Variants in RPS6KC1 observed in about 807,000 individuals in gnomAD.
RPS6KC1 encodes inactive ribosomal protein S6 kinase delta-1.
RPS6KC1 carries 54 observed loss-of-function variants against 103.8 expected under a neutral mutation model. The ratio of observed to expected loss-of-function variants is 0.52; its 90% CI spans 0.42 to 0.65. RPS6KC1 has a LOEUF of 0.65. Ranked by LOEUF, RPS6KC1 falls within the 30% of genes least tolerant of loss-of-function variation. RPS6KC1 has a pLI of 0.00. For missense variants in RPS6KC1, 1,151 were observed against 1,253.8 expected, an observed-to-expected ratio of 0.92 and a Z score of 1.24; for synonymous variants, 439 against 438.7, an observed-to-expected ratio of 1.00 and a Z score of -0.01.
chr1:213,629,261 G>T, the RPS6KC1 span, among the ~76,000 whole-genome samples: 1 of 151,992 alleles, frequency 6.6e-6, no homozygotes, highest in African/African-American at 2.4e-5. Flanking sequence ...ATGAATCTGG[G>T]TGCTCCTGTA....
chr1:213,462,751 C>T, the RPS6KC1 span, among the ~76,000 whole-genome samples: 28 of 152,160 alleles, frequency 1.8e-4, no homozygotes, highest in African/African-American at 1.7e-4. Flanking sequence ...GGCCTGTTGG[C>T]GGGTGGTTGA....
At chr1:213,665,856 G>A in the RPS6KC1 span, among the ~76,000 whole-genome samples, 1 of 152,040 alleles carries the variant, frequency 6.6e-6, no homozygotes, top group African/African-American at 2.4e-5. Flanking sequence ...TAAATACAAA[G>A]AATAAGAAAG....
At chr1:213,636,512 G>C in the RPS6KC1 span, among the ~76,000 whole-genome samples, 5 of 152,106 alleles carry the variant, frequency 3.3e-5, no homozygotes, top group Non-Finnish European at 5.9e-5. Flanking sequence ...CAAGAAATGG[G>C]GAAAGGATTC....
the RPS6KC1 span, among the ~76,000 whole-genome samples, chr1:213,422,939 C>G: frequency 6.6e-6 from 1 of 152,238 alleles, no homozygotes; most frequent in African/African-American, 2.4e-5. Context: ...AGAAATTGGT[C>G]TGAAATGTTA....
chr1:213,219,946 A>C lies in RPS6KC1; in HGVS notation c.1045-10551A>C, dbSNP rs183541716. On this transcript the variant is annotated intron_variant, in intron 8 of 14. Transcript: ENST00000366960. ...TGGATGCAGCACCCCAACATGGCAC[A>C]TGTATACATATGTAACAAACCTGCA... Among the ~76,000 whole-genome samples the C allele has an allele frequency of 5.7e-3, 864 of 152,278 alleles. 11 individuals are homozygous for C. Among genetic ancestry groups the C allele is most frequent in the African/African-American group, 0.017 (721 of 41,564 alleles).
At chr1:213,830,915 G>T in the RPS6KC1 span, among the ~76,000 whole-genome samples, 20 of 152,230 alleles carry the variant, frequency 1.3e-4, no homozygotes, top group Non-Finnish European at 2.8e-4. Context: ...GTTGACAGTG[G>T]GTTCTGCCAA....
chr1:213,824,383 T>C, the RPS6KC1 span, among the ~76,000 whole-genome samples: 1 of 152,216 alleles, frequency 6.6e-6, no homozygotes, highest in Admixed American at 6.5e-5. Context: ...CTTAGCTCCA[T>C]CTGGTAAACA....
chr1:213,209,695 CAAAAAAAAAAAAAA>C (rs60840755), intron 8 of RPS6KC1, among the ~76,000 whole-genome samples: 2 of 54,152 alleles, frequency 3.7e-5, no homozygotes, highest in African/African-American at 6.9e-5. Flanking sequence ...AACTCCGTCT[CAAAAAAAAAAAAAA>C]AAAAAAAAAA....
At chr1:213,466,980 C>T in the RPS6KC1 span, among the ~76,000 whole-genome samples, 3 of 151,662 alleles carry the variant, frequency 2.0e-5, no homozygotes, top group Non-Finnish European at 2.9e-5. Flanking sequence ...GCCTATGAGC[C>T]TTAAGGAAAT....
chr1:213,742,606 T>C, the RPS6KC1 span, among the ~76,000 whole-genome samples: 1 of 152,268 alleles, frequency 6.6e-6, no homozygotes, highest in Non-Finnish European at 1.5e-5. Flanking sequence ...TAGCATGCTT[T>C]CGATGGCTTG....
At chr1:213,852,349 A>G in the RPS6KC1 span, among the ~76,000 whole-genome samples, 16 of 151,644 alleles carry the variant, frequency 1.1e-4, no homozygotes, top group Admixed American at 8.5e-4. Flanking sequence ...TGTCATCCAC[A>G]TTGCTATTCT....
the RPS6KC1 span, among the ~76,000 whole-genome samples, chr1:213,494,061 T>C: frequency 2.0e-5 from 3 of 152,070 alleles, no homozygotes; most frequent in Admixed American, 1.3e-4. Flanking sequence ...ACCCTAAATG[T>C]GATAACTCTG....
At chr1:213,766,483 T>C in the RPS6KC1 span, among the ~76,000 whole-genome samples, 3 of 152,320 alleles carry the variant, frequency 2.0e-5, no homozygotes, top group South Asian at 2.1e-4. Flanking sequence ...ATTTTTCCAG[T>C]GTACACTCTT....
At chr1:213,510,936 A>G in the RPS6KC1 span, among the ~76,000 whole-genome samples, 3 of 152,160 alleles carry the variant, frequency 2.0e-5, no homozygotes, top group Non-Finnish European at 4.4e-5. Context: ...TTGACTGAGT[A>G]CTTAACTGTG....
the RPS6KC1 span, among the ~76,000 whole-genome samples, chr1:213,476,561 A>T: frequency 5.3e-5 from 8 of 152,202 alleles, no homozygotes; most frequent in Non-Finnish European, 7.3e-5. Flanking sequence ...GTGAAGACCT[A>T]GCCTGTTCAG....
the RPS6KC1 span, among the ~76,000 whole-genome samples, chr1:213,826,464 A>C: frequency 6.6e-6 from 1 of 152,226 alleles, no homozygotes; most frequent in African/African-American, 2.4e-5. Context: ...TTTTAGTTTC[A>C]ATACTATATA....
At chr1:213,288,269 TC>T in the RPS6KC1 span, among the ~76,000 whole-genome samples, 1 of 152,186 alleles carries the variant, frequency 6.6e-6, no homozygotes, top group Non-Finnish European at 1.5e-5. Context: ...GGGAATACCA[TC>T]CCAGTCAGCC....
the RPS6KC1 span, among the ~76,000 whole-genome samples, chr1:213,320,982 C>T: frequency 6.6e-6 from 1 of 152,148 alleles, no homozygotes; most frequent in Non-Finnish European, 1.5e-5. Flanking sequence ...GTGGGTAGGA[C>T]CTGGGGGCTT....
the RPS6KC1 span, among the ~76,000 whole-genome samples, chr1:213,305,536 C>T: frequency 1.3e-5 from 2 of 152,206 alleles, no homozygotes; most frequent in Non-Finnish European, 2.9e-5. Flanking sequence ...ACTCCAACTC[C>T]GTTCAGCTGA....
Sources: gnomAD v4.1 joint callset for allele counts (sites outside exome capture counted in the v4.1 genomes callset) on GRCh38, gnomAD v4.1.1 for gene constraint, MANE v1.5 for transcripts, NCBI Gene and HGNC (gene_info 2026-07-23, HGNC 2026-07-21) for gene names.